GPR50: variants seen among roughly 807,000 people sequenced by gnomAD.
The protein encoded by GPR50 is melatonin-related receptor.
A neutral mutation model predicts 2.6 loss-of-function variants in GPR50; 1 was observed. That is an observed-to-expected ratio of 0.38 (90% CI 0.13 to 1.79). The LOEUF (loss-of-function observed/expected upper bound fraction) is 1.79, where lower values mean the gene tolerates loss of function less well. Among genes scored for constraint, GPR50 ranks in the 40% most tolerant of loss-of-function variants. The pLI is 0.33. For missense variants in GPR50, 535 were observed against 522.1 expected, an observed-to-expected ratio of 1.02 and a Z score of -0.24; for synonymous variants, 233 against 202.3, an observed-to-expected ratio of 1.15 and a Z score of -1.29.
intron 1 of GPR50, among the ~76,000 whole-genome samples, chrX:151,178,152 G>C (rs749273622): frequency 1.0e-3 from 111 of 109,429 alleles, no homozygotes; most frequent in African/African-American, 3.4e-3. Context: ...AGGGTGGGGA[G>C]ACCAGCTGGA....
Position 151,180,529 on chromosome X carries a change from A to G in GPR50, c.946A>G (p.Ile316Val). 2.5e-6 allele frequency: 3 copies of G among 1,210,531 alleles called. No individual in the cohort carries two copies. The highest frequency in any genetic ancestry group is 3.4e-6 in the Non-Finnish European group (3 of 895,013). Residue 316 changes from isoleucine (I) to valine (V), a missense_variant, in exon 2 of 2, where the codon ATC becomes GTC. Transcript: ENST00000218316. ...CATCTTCCATGCTATGCGGCACCCT[A>G]TCATATTCTTCTCTGGCCTCATCAG... ...WTIFHAMRHP[I>V]IFFSGLISDI...
At chrX:151,182,440 G>C (rs1029714874), downstream of GPR50, 1 of 111,957 alleles carries the variant, frequency 8.9e-6, no homozygotes, top group African/African-American at 3.2e-5. Context: ...ATTCAAAAGG[G>C]AATTTGAAGT....
Position 151,181,252 on chromosome X carries a change from G to A in GPR50, c.1669G>A (p.Asp557Asn), listed in dbSNP as rs765690309. 8.3e-7 allele frequency: 1 copy of A among 1,210,216 alleles called. No individual in the cohort carries two copies. Among genetic ancestry groups the A allele is most frequent in the East Asian group, 3.0e-5 (1 of 33,806 alleles). The change falls in exon 2 of 2, where the codon GAC becomes AAC. Residue 557 changes from aspartate to asparagine, a missense_variant. Coordinates refer to ENST00000218316, the MANE Select transcript of GPR50 (RefSeq NM_004224.3). Reference sequence around the variant, plus strand: ...TGCCATTGCCCACCCTGTGTCTGACGACAGTGACCTCCCTGAGTCGGCCTC... The same window carrying A: ...TGCCATTGCCCACCCTGTGTCTGACAACAGTGACCTCCCTGAGTCGGCCTC... ...IPAIAHPVSD[D>N]SDLPESASSP...
At chrX:151,178,014 G>A (rs1207172840) in intron 1 of GPR50, among the ~76,000 whole-genome samples, 5 of 110,862 alleles carry the variant, frequency 4.5e-5, no homozygotes, top group Non-Finnish European at 9.5e-5. Flanking sequence ...GCTCTGGAAG[G>A]GAGGGGAAGG....
rs2048681852 is a variant in GPR50, at chrX:151,176,798, C to T, written c.77C>T (p.Ala26Val). Residue 26 changes from alanine to valine, a missense_variant, in exon 1 of 2, where the codon GCT becomes GTT. By Grantham distance (64) the Ala-to-Val change is moderately conservative. Transcript: ENST00000218316. ...CKLPQPEYPP[A>V]LIIFMFCAMV... ...CTACCCCAGCCAGAATACCCACCGG[C>T]TCTAATCATCTTTATGTTCTGCGCG... is the stretch of plus-strand genomic sequence containing the variant. 8.3e-7 allele frequency: 1 copy of T among 1,202,262 alleles called. No individual in the cohort carries two copies. The highest frequency in any genetic ancestry group is 1.1e-6 in the Non-Finnish European group (1 of 887,422).
rs775573327 is a variant in GPR50 at position 151,179,940 on chromosome X, C to T, written c.357C>T (p.Ile119=). The change falls in exon 2 of 2, where the codon ATC becomes ATT. Residue 119 remains isoleucine (I), a synonymous_variant. Coordinates refer to ENST00000218316, the MANE Select transcript of GPR50 (RefSeq NM_004224.3). ...GTGTGGTCGGCTCCATCTTCAACATCGTGGCAATCGCTATCAACCGTTACT... is the reference window on the plus strand; with the variant it reads ...GTGTGGTCGGCTCCATCTTCAACATTGTGGCAATCGCTATCAACCGTTACT... The part of the protein sequence containing the change: ...GLSVVGSIFN[I]VAIAINRYCY... 2 of 1,211,144 alleles carry T rather than the reference C, an allele frequency of 1.7e-6. No homozygotes were observed. Among genetic ancestry groups the T allele is most frequent in the Non-Finnish European group, 2.2e-6 (2 of 895,299 alleles).
At chrX:151,178,293 T>C (rs1414761039) in intron 1 of GPR50, among the ~76,000 whole-genome samples, 1 of 112,203 alleles carries the variant, frequency 8.9e-6, no homozygotes, top group African/African-American at 3.2e-5. Context: ...AAAAGTTTTC[T>C]TACAAAGTCT....
chrX:151,181,965 T>C (rs1016975092), downstream of GPR50, among the ~76,000 whole-genome samples: 4 of 112,776 alleles, frequency 3.5e-5, no homozygotes, highest in East Asian at 8.3e-4. Flanking sequence ...AGAAAAGCAG[T>C]TGTGATCAAG....
intron 1 of GPR50, chrX:151,177,702 G>C (rs1327825102): frequency 8.9e-6 from 1 of 112,928 alleles, no homozygotes; most frequent in Non-Finnish European, 1.9e-5. Context: ...GGGCGTTGCT[G>C]GGGGTGGAGG....
Position 151,181,208 on chromosome X carries a change from C to A in GPR50, c.1625C>A (p.Ser542Tyr). The A allele has an allele frequency of 8.3e-7, 1 of 1,210,722 alleles. No homozygotes were observed. The highest frequency in any genetic ancestry group is 1.1e-6 in the Non-Finnish European group (1 of 894,732). Residue 542 changes from serine (S) to tyrosine (Y), a missense_variant, in exon 2 of 2, where the codon TCC becomes TAC. By Grantham distance (144) the Ser-to-Tyr change is moderately radical. Coordinates refer to ENST00000218316, the MANE Select transcript of GPR50 (RefSeq NM_004224.3). ...GCTGACAACCCTGAGCTCTCTGCCT[C>A]CCATTGCCCCGAGATCCCTGCCATT... ...TAADNPELSA[S>Y]HCPEIPAIAH... is the part of the protein sequence containing the mutation.
Position 151,179,855 on chromosome X carries a change from T to C in GPR50, c.272T>C (p.Ile91Thr), listed in dbSNP as rs781499377. Residue 91 changes from isoleucine to threonine, a missense_variant, in exon 2 of 2, where the codon ATT becomes ACT. By Grantham distance (89) the Ile-to-Thr change is moderately conservative (BLOSUM62 -1). Transcript: ENST00000218316. ...CCTTTGATGCTGCATGCCATGTCCA[T>C]TGGGGGCTGGGATCTGAGCCAGTTA... is the stretch of plus-strand genomic sequence containing the variant. Reference protein sequence around the residue: ...PYPLMLHAMSIGGWDLSQLQC... With the variant: ...PYPLMLHAMSTGGWDLSQLQC... 7 of 1,207,928 alleles carry C rather than the reference T, an allele frequency of 5.8e-6. No homozygotes were observed. In the South Asian group the frequency reaches 8.8e-5, roughly 15 times the overall value.
chrX:151,180,078 C>T lies in GPR50; in HGVS notation c.495C>T (p.Tyr165=). 8.3e-7 allele frequency: 1 copy of T among 1,211,021 alleles called. No individual in the cohort carries two copies. Residue 165 remains tyrosine, a synonymous_variant, in exon 2 of 2, where the codon TAC becomes TAT. Coordinates refer to ENST00000218316, the MANE Select transcript of GPR50 (RefSeq NM_004224.3). ...TCCTGGCTGTCCTGCCCAACATGTA[C>T]ATTGGCACCATCGAGTACGATCCTC... ...MTVLAVLPNM[Y]IGTIEYDPRT...
downstream of GPR50, chrX:151,182,312 C>T (rs481878): frequency 0.41 from 45,352 of 110,308 alleles, 7,100 homozygotes; most frequent in East Asian, 0.68. Context: ...TCCAATCTTA[C>T]GGTTGCTAGG....
chrX:151,178,198 C>T (rs1267277528), intron 1 of GPR50, among the ~76,000 whole-genome samples: 1 of 111,125 alleles, frequency 9.0e-6, no homozygotes, highest in Non-Finnish European at 1.9e-5. Flanking sequence ...AGGTGGCGGC[C>T]GGGGTCTGGG....
At chrX:151,177,804 G>C (rs1476892598) in intron 1 of GPR50, 1 of 112,802 alleles carries the variant, frequency 8.9e-6, no homozygotes, top group Non-Finnish European at 1.9e-5. Flanking sequence ...GCTGCAAAGG[G>C]CTGGGGTCTG....
rs1379288417 is a variant in GPR50, at chrX:151,181,222, A to T, written c.1639A>T (p.Ile547Phe). 1 of 1,207,807 alleles carries T rather than the reference A, an allele frequency of 8.3e-7. No homozygotes were observed. Among genetic ancestry groups the T allele is most frequent in the Non-Finnish European group, 1.1e-6 (1 of 894,028 alleles). ...GCTCTCTGCCTCCCATTGCCCCGAG[A>T]TCCCTGCCATTGCCCACCCTGTGTC... Reference protein sequence around the residue: ...PELSASHCPEIPAIAHPVSDD... With the variant: ...PELSASHCPEFPAIAHPVSDD... The change falls in exon 2 of 2, where the codon ATC (isoleucine) becomes TTC (phenylalanine). Residue 547 changes from isoleucine (I) to phenylalanine (F), a missense_variant. Physicochemically the swap from Ile to Phe is conservative, Grantham distance 21. Coordinates refer to ENST00000218316, the MANE Select transcript of GPR50 (RefSeq NM_004224.3).
Position 151,181,122 on chromosome X carries a change from T to G in GPR50, c.1539T>G (p.Ala513=), listed in dbSNP as rs762002132. Reference sequence around the variant, plus strand: ...ACATCAAGCCAGCTACCAGCCATGCTGAGCCCACCACTGCTGACTATCCCA... The same window carrying G: ...ACATCAAGCCAGCTACCAGCCATGCGGAGCCCACCACTGCTGACTATCCCA... The part of the protein sequence containing the change: ...TGHIKPATSH[A]EPTTADYPKP... The change falls in exon 2 of 2, where the codon GCT becomes GCG. Residue 513 remains alanine (A), a synonymous_variant. Transcript: ENST00000218316. The G allele has an allele frequency of 8.3e-7, 1 of 1,209,963 alleles. No individual in the cohort carries two copies. Among genetic ancestry groups the G allele is most frequent in the East Asian group, 3.0e-5 (1 of 33,779 alleles).
At position 151,180,633 on chromosome X, in the gene GPR50, C is replaced by T. The variant is rs1353773857; in HGVS notation, c.1050C>T (p.Asp350=). The part of the protein sequence containing the change: ...AHARDQAREQ[D]RAHACPAVEE... ...CTCGCGACCAAGCTCGTGAACAAGA[C>T]CGTGCCCATGCCTGTCCTGCTGTGG... is the stretch of plus-strand genomic sequence containing the variant. The change falls in exon 2 of 2, where the codon GAC becomes GAT. Residue 350 remains aspartate (D), a synonymous_variant. Coordinates refer to ENST00000218316, the MANE Select transcript of GPR50 (RefSeq NM_004224.3). 2 of 1,210,893 alleles carry T rather than the reference C, an allele frequency of 1.7e-6. No individual in the cohort carries two copies. Among genetic ancestry groups the T allele is most frequent in the Admixed American group, 4.3e-5 (2 of 46,087 alleles).
Position 151,180,037 on chromosome X carries a change from A to G in GPR50, c.454A>G (p.Thr152Ala). The change falls in exon 2 of 2, where the codon ACC (threonine) becomes GCC (alanine). Residue 152 changes from threonine to alanine, a missense_variant. Physicochemically the swap from Thr to Ala is moderately conservative, Grantham distance 58 (BLOSUM62 0). Transcript: ENST00000218316. Reference protein sequence around the residue: ...VRNTCIYLVITWIMTVLAVLP... With the variant: ...VRNTCIYLVIAWIMTVLAVLP... ...CAATACCTGCATCTACCTGGTCATC[A>G]CCTGGATCATGACCGTCCTGGCTGT... 4.1e-6 allele frequency: 5 copies of G among 1,211,466 alleles called. No homozygotes were observed. Among genetic ancestry groups the G allele is most frequent in the Non-Finnish European group, 5.6e-6 (5 of 895,330 alleles).
Sources: allele counts gnomAD v4.1 joint callset (sites outside exome capture counted in the v4.1 genomes callset), GRCh38; gene constraint gnomAD v4.1.1; transcripts MANE v1.5; gene names NCBI Gene and HGNC (gene_info 2026-07-23, HGNC 2026-07-21).